SMCHD1: variants seen among roughly 807,000 people sequenced by gnomAD.
SMCHD1 encodes the protein structural maintenance of chromosomes flexible hinge domain-containing protein 1.
SMCHD1 carries 78 observed loss-of-function variants against 254.7 expected under a neutral mutation model. The observed-to-expected ratio is 0.31, with a 90% CI of 0.26 to 0.37. The LOEUF (loss-of-function observed/expected upper bound fraction) is 0.37, where lower values mean the gene tolerates loss of function less well. Among genes scored for constraint, SMCHD1 ranks in the 10% least tolerant of loss-of-function variants. The pLI, the probability that SMCHD1 is intolerant of heterozygous loss-of-function variation, is 1.00. For synonymous variants in SMCHD1, 766 were observed against 794.9 expected, an observed-to-expected ratio of 0.96 and a Z score of 0.61; for missense variants, 1,840 against 2,408.1, an observed-to-expected ratio of 0.76 and a Z score of 4.94.
chr18:2,717,371 A>G (rs907669737), intron 17 of SMCHD1, among the ~76,000 whole-genome samples: 1 of 151,962 alleles, frequency 6.6e-6, no homozygotes, highest in African/African-American at 2.4e-5. Flanking sequence ...TTTTGAGACA[A>G]GGTCTTACTC....
intron 17 of SMCHD1, among the ~76,000 whole-genome samples, chr18:2,708,915 T>TATATATATATATATAAAAC (rs1568199419): frequency 1.1e-5 from 1 of 90,454 alleles, no homozygotes; most frequent in African/African-American, 4.2e-5. Flanking sequence ...TATAACATAT[T>TATATATATATATATAAAAC]AACATGAAAT....
At position 2,753,776 on chromosome 18, in the gene SMCHD1, G is replaced by A. The variant is rs182900071; in HGVS notation, c.4346+1224G>A. Among the ~76,000 whole-genome samples, 282 of 152,070 alleles carry A rather than the reference G, an allele frequency of 1.9e-3. 1 individual carries two copies. Among genetic ancestry groups the A allele is most frequent in the African/African-American group, 6.2e-3 (259 of 41,478 alleles). ...TCACCAAGTTGCTCTGGCTAGTCTCGAACTCCTGAGCTCAAAGCCATCTGC... is the reference window on the plus strand; with the variant it reads ...TCACCAAGTTGCTCTGGCTAGTCTCAAACTCCTGAGCTCAAAGCCATCTGC... On this transcript the variant is annotated intron_variant, in intron 34 of 47. Coordinates refer to ENST00000320876, the MANE Select transcript of SMCHD1 (RefSeq NM_015295.3).
intron 15 of SMCHD1, chr18:2,707,303 A>G (rs2074539461): frequency 3.9e-6 from 1 of 256,196 alleles, no homozygotes; most frequent in Non-Finnish European, 7.3e-6. Flanking sequence ...ACAAGTAGAA[A>G]AAAAAAATCA....
At chr18:2,744,028 T>A (rs2075400975) in intron 29 of SMCHD1, 100 bp downstream of exon 29, 6 of 1,023,964 alleles carry the variant, frequency 5.9e-6, no homozygotes, top group Non-Finnish European at 8.2e-6. Context: ...GTTGCTGAAG[T>A]AACAACTAAC....
intron 37 of SMCHD1, among the ~76,000 whole-genome samples, chr18:2,768,706 C>CTA (rs1392662332): frequency 7.3e-5 from 8 of 108,874 alleles, no homozygotes; most frequent in African/African-American, 2.3e-4. Context: ...GTACTATATA[C>CTA]TATACTATAC....
chr18:2,801,638 C>T lies in SMCHD1; in HGVS notation c.5994-890C>T, dbSNP rs2076364066. Among the ~76,000 whole-genome samples the T allele has an allele frequency of 2.0e-5, 3 of 152,008 alleles. No homozygotes were observed. The South Asian group carries it at 6.2e-4, about 32-fold the overall frequency. On this transcript the variant is annotated intron_variant, in intron 47 of 47. Coordinates refer to ENST00000320876, the MANE Select transcript of SMCHD1 (RefSeq NM_015295.3). ...TTAATAGTAGGAAAGGAAATAGGTA[C>T]ATTATATGTGTTTCTGTATATTTAT...
intron 30 of SMCHD1, among the ~76,000 whole-genome samples, chr18:2,748,542 G>A (rs2075512907): frequency 1.3e-5 from 2 of 151,572 alleles, no homozygotes; most frequent in African/African-American, 2.4e-5. Flanking sequence ...TTACAGGCAT[G>A]TGCCATCATG....
intron 41 of SMCHD1, among the ~76,000 whole-genome samples, chr18:2,773,758 A>T (rs1310774431): frequency 6.6e-6 from 1 of 152,038 alleles, no homozygotes; most frequent in Non-Finnish European, 1.5e-5. Flanking sequence ...CCCGTCTCTA[A>T]TAAAACATAC....
rs771846680 is a variant in SMCHD1, at chr18:2,707,634, G to T, written c.2135G>T (p.Gly712Val). The change falls in exon 16 of 48, where the codon GGA becomes GTA. Residue 712 changes from glycine to valine, a missense_variant. Physicochemically the swap from Gly to Val is moderately radical, Grantham distance 109. This residue lies in a region of SMCHD1 where 498 missense variants were observed against 743.5 expected (regional missense o/e 0.67). Transcript: ENST00000320876. ...TTGCCTAATGAGGTTAGGCCTGCTG[G>T]AACCCCTATTGGTATGTTTGTTTAT... is the stretch of plus-strand genomic sequence containing the variant. The part of the protein sequence containing the change: ...ELLPNEVRPA[G>V]TPIGALRIEI... 1 of 1,598,656 alleles carries T rather than the reference G, an allele frequency of 6.3e-7. No individual in the cohort carries two copies. Among genetic ancestry groups the T allele is most frequent in the Non-Finnish European group, 8.5e-7 (1 of 1,170,204 alleles).
At chr18:2,712,123 A>C (rs2074691238) in intron 17 of SMCHD1, among the ~76,000 whole-genome samples, 1 of 152,018 alleles carries the variant, frequency 6.6e-6, no homozygotes, top group African/African-American at 2.4e-5. Flanking sequence ...CACTATATAG[A>C]CTAAGGTGAG....
At chr18:2,748,388 A>ATGTATATAT (rs1568301304) in intron 30 of SMCHD1, among the ~76,000 whole-genome samples, 9 of 50,508 alleles carry the variant, frequency 1.8e-4, no homozygotes, top group African/African-American at 2.7e-4. Flanking sequence ...GTGTGTATAT[A>ATGTATATAT]AATTTTTTTT....
At chr18:2,775,482 G>A (rs1421277997) in intron 41 of SMCHD1, among the ~76,000 whole-genome samples, 1 of 151,618 alleles carries the variant, frequency 6.6e-6, no homozygotes, top group African/African-American at 2.4e-5. Flanking sequence ...AGAAAAGAAG[G>A]AAAAATTCCT....
rs146343606 is a variant in SMCHD1 at position 2,658,196 on chromosome 18, G to C, written c.186+1935G>C. On this transcript the variant is annotated intron_variant, in intron 1 of 47. Coordinates refer to ENST00000320876, the MANE Select transcript of SMCHD1 (RefSeq NM_015295.3). ...GATACATCTTTAAAGCTCTTGTTTC[G>C]TATTTTAAAATTGCTTTTTGAAAAT... Among the ~76,000 whole-genome samples the C allele has an allele frequency of 4.1e-3, 629 of 152,210 alleles. 4 individuals are homozygous for C. Among genetic ancestry groups the C allele is most frequent in the African/African-American group, 0.015 (608 of 41,538 alleles).
chr18:2,667,151 A>G lies in SMCHD1; in HGVS notation c.424+120A>G, dbSNP rs143868515. ...ATTACACTTTATTAGAAGACCACTC[A>G]TTTTCTTTCTTACTCAAATTCATCA... is the stretch of plus-strand genomic sequence containing the variant. On this transcript the variant is annotated intron_variant, in intron 3 of 47. Coordinates refer to ENST00000320876, the MANE Select transcript of SMCHD1 (RefSeq NM_015295.3). The G allele has an allele frequency of 1.3e-5, 9 of 710,850 alleles. No individual in the cohort carries two copies. In the Admixed American group the frequency reaches 2.1e-4, roughly 17 times the overall value. 44.0% of individuals were successfully genotyped at this position (710,850 alleles called of 1,614,324 possible).
intron 42 of SMCHD1, among the ~76,000 whole-genome samples, chr18:2,777,082 A>C (rs2076081259): frequency 7.4e-6 from 1 of 134,264 alleles, no homozygotes. Context: ...ATACCCTAAT[A>C]CTTTTTGTGA....
chr18:2,704,409 CAT>C (rs2074469201), intron 13 of SMCHD1, among the ~76,000 whole-genome samples: 1 of 152,046 alleles, frequency 6.6e-6, no homozygotes, highest in East Asian at 1.9e-4. Context: ...CATCTGCTGA[CAT>C]AGTAAGTTAC....
chr18:2,802,577 T>C lies in SMCHD1; in HGVS notation c.*25T>C. The C allele has an allele frequency of 6.5e-7, 1 of 1,547,456 alleles. No homozygotes were observed. The highest frequency in any genetic ancestry group is 8.7e-7 in the Non-Finnish European group (1 of 1,144,774). On this transcript the variant is annotated 3_prime_UTR_variant, in exon 48 of 48. Transcript: ENST00000320876. ...AGAGGTGACAGAGAGAAGAGGCCAT[T>C]GGTCTCAGTAAGAATGCCCTGCTTT...
At chr18:2,657,674 T>A (rs561195646) in intron 1 of SMCHD1, among the ~76,000 whole-genome samples, 3 of 152,316 alleles carry the variant, frequency 2.0e-5, no homozygotes, top group Admixed American at 6.5e-5. Context: ...AAATATGTGT[T>A]TTATATTCTA....
intron 32 of SMCHD1, 59 bp downstream of exon 32, chr18:2,750,566 G>T: frequency 2.1e-6 from 3 of 1,400,974 alleles, no homozygotes; most frequent in Non-Finnish European, 2.9e-6. Flanking sequence ...TACATTAGTG[G>T]AATAAATTAC....
Sources: allele counts gnomAD v4.1 joint callset (sites outside exome capture counted in the v4.1 genomes callset), GRCh38; gene constraint gnomAD v4.1.1; regional missense constraint gnomAD v4.1.1; transcripts MANE v1.5; gene names NCBI Gene and HGNC (gene_info 2026-07-23, HGNC 2026-07-21).